Variants in JPH1 observed in about 807,000 individuals in gnomAD.
The protein encoded by JPH1 is junctophilin-1.
Under a neutral mutation model 53.6 loss-of-function variants are expected in JPH1, and 12 were observed. The observed-to-expected ratio is 0.22, with a 90% confidence interval of 0.14 to 0.36. The LOEUF is 0.36. JPH1 is among the 10% of genes least tolerant of loss of function. The pLI, the probability that JPH1 is intolerant of heterozygous loss-of-function variation, is 1.00. For missense variants in JPH1, 808 were observed against 905.5 expected, an observed-to-expected ratio of 0.89 and a Z score of 1.38; for synonymous variants, 375 against 363.8, an observed-to-expected ratio of 1.03 and a Z score of -0.35.
intron 2 of JPH1, among the ~76,000 whole-genome samples, chr8:74,279,209 T>C (rs188053543): frequency 4.6e-5 from 7 of 152,326 alleles, no homozygotes; most frequent in African/African-American, 1.7e-4. Flanking sequence ...TGGTGTGAGG[T>C]GGACTCTGAC....
At chr8:74,285,295 T>A (rs1393685218) in intron 2 of JPH1, among the ~76,000 whole-genome samples, 1 of 152,122 alleles carries the variant, frequency 6.6e-6, no homozygotes, top group Non-Finnish European at 1.5e-5. Context: ...ATACTATATC[T>A]ACTTTATGAA....
At position 74,236,129 on chromosome 8, in the gene JPH1, A is replaced by G. The variant is rs1414697570; in HGVS notation, c.*922T>C. On this transcript the variant is annotated 3_prime_UTR_variant, in exon 6 of 6. Coordinates refer to ENST00000342232, the MANE Select transcript of JPH1 (RefSeq NM_020647.4). ...TTAAAATTTAGCACTTCCTAAGTGC[A>G]TAAATAATTCACCTCAGTAATGTTA... The G allele has an allele frequency of 6.6e-6, 1 of 152,236 alleles. No homozygotes were observed. The highest frequency in any genetic ancestry group is 6.5e-5 in the Admixed American group (1 of 15,288). The allele number at this position is 152,236 out of a possible 1,614,324, so 9.4% of individuals were successfully genotyped here. A position where few individuals can be genotyped will look rare whatever the true frequency, so the allele number is the denominator to read the frequency against.
intron 2 of JPH1, among the ~76,000 whole-genome samples, chr8:74,276,092 G>C (rs778751515): frequency 3.3e-5 from 5 of 152,134 alleles, no homozygotes; most frequent in Admixed American, 6.5e-5. Context: ...TTATTTCTAG[G>C]AATAAGAGGG....
intron 3 of JPH1, among the ~76,000 whole-genome samples, chr8:74,256,468 A>G (rs1184286464): frequency 4.0e-5 from 6 of 151,824 alleles, no homozygotes; most frequent in Admixed American, 2.0e-4. Context: ...GGTGCAGCAC[A>G]CCAACATGGC....
intron 2 of JPH1, among the ~76,000 whole-genome samples, chr8:74,310,763 C>T (rs1402816967): frequency 6.6e-6 from 1 of 152,168 alleles, no homozygotes; most frequent in African/African-American, 2.4e-5. Flanking sequence ...TAATTGTTTT[C>T]CCTTAGAGCC....
rs1586783145 is a variant in JPH1 at position 74,320,751 on chromosome 8, G to A, written c.379+158C>T. On this transcript the variant is annotated intron_variant, in intron 1 of 5. Transcript: ENST00000342232. This position sits in a 1 kb window ranked among gnomAD's most constrained non-coding sequence, Gnocchi z 4.4. ...CAGTCCGGTCCCAGCGCCCTCTCTG[G>A]GAAAGGCGGGCGCGGGCGCGGGGGT... Among the ~76,000 whole-genome samples, 3 of 152,170 alleles carry A rather than the reference G, an allele frequency of 2.0e-5. No individual in the cohort carries two copies. The highest frequency in any genetic ancestry group is 7.2e-5 in the African/African-American group (3 of 41,446).
intron 2 of JPH1, among the ~76,000 whole-genome samples, chr8:74,265,584 A>C (rs1484029296): frequency 2.0e-5 from 3 of 152,208 alleles, no homozygotes. Context: ...TCTTGGAATA[A>C]TTTTTGGAGA....
chr8:74,300,848 C>T (rs1323549148), intron 2 of JPH1, among the ~76,000 whole-genome samples: 1 of 152,130 alleles, frequency 6.6e-6, no homozygotes, highest in Non-Finnish European at 1.5e-5. Flanking sequence ...CTTCCTCACC[C>T]GTTTCATTGA....
intron 2 of JPH1, among the ~76,000 whole-genome samples, chr8:74,306,841 C>T (rs1404612793): frequency 1.3e-5 from 2 of 152,150 alleles, no homozygotes; most frequent in Non-Finnish European, 2.9e-5. Context: ...AAGGGATCCG[C>T]CCGCCTCGGC....
At chr8:74,296,786 G>A (rs766778228) in intron 2 of JPH1, among the ~76,000 whole-genome samples, 1 of 152,032 alleles carries the variant, frequency 6.6e-6, no homozygotes, top group African/African-American at 2.4e-5. Context: ...AGCGTATAAC[G>A]TGATGCTTTG....
chr8:74,295,567 T>G (rs1314996112), intron 2 of JPH1, among the ~76,000 whole-genome samples: 1 of 152,184 alleles, frequency 6.6e-6, no homozygotes, highest in African/African-American at 2.4e-5. Context: ...TCCTGTGAGC[T>G]GAGTACCAAA....
rs1318885060 is a variant in JPH1 at position 74,321,466 on chromosome 8, GCCGCCA to G, written c.-185_-180del. The G allele has an allele frequency of 1.9e-6, 1 of 533,954 alleles. No homozygotes were observed. Among genetic ancestry groups the G allele is most frequent in the Non-Finnish European group, 3.0e-6 (1 of 330,906 alleles). The allele number at this position is 533,954 out of a possible 1,614,324, so 33.1% of individuals were successfully genotyped here. A position where few individuals can be genotyped will look rare whatever the true frequency, so the allele number is the denominator to read the frequency against. Reference sequence around the variant, plus strand: ...CCCCCGTCCTCCCTCCTCTTTTGCCGCCGCCACCGCCGCCTTCCTCCTCCTCCTCCT... The same window carrying G: ...CCCCCGTCCTCCCTCCTCTTTTGCCGCCGCCGCCTTCCTCCTCCTCCTCCT... On this transcript the variant is annotated 5_prime_UTR_variant, in exon 1 of 6. Coordinates refer to ENST00000342232, the MANE Select transcript of JPH1 (RefSeq NM_020647.4). This position sits in a 1 kb window ranked among gnomAD's most constrained non-coding sequence, Gnocchi z 4.3.
At chr8:74,242,359 C>A (rs995955786) in intron 4 of JPH1, among the ~76,000 whole-genome samples, 19 of 152,298 alleles carry the variant, frequency 1.2e-4, no homozygotes, top group African/African-American at 4.3e-4. Flanking sequence ...CTCATTTAAT[C>A]TTCACAACAA....
In JPH1 at chr8:74,237,237, G is replaced by T; in HGVS notation, c.1972C>A (p.His658Asn). Reference sequence around the variant, plus strand: ...CCTAATTCCAATCAAGTTAGAAAGTGAACAAAAAGAATGGCCAACCCGATA... The same window carrying T: ...CCTAATTCCAATCAAGTTAGAAAGTTAACAAAAAGAATGGCCAACCCGATA... Reference protein sequence around the residue: ...LNIGLAILFVHFLT With the variant: ...LNIGLAILFVNFLT The change falls in exon 5 of 6, where the codon CAC becomes AAC. Residue 658 changes from histidine to asparagine, a missense_variant. Transcript: ENST00000342232. The T allele has an allele frequency of 6.2e-7, 1 of 1,611,636 alleles. No homozygotes were observed. The highest frequency in any genetic ancestry group is 8.5e-7 in the Non-Finnish European group (1 of 1,178,132).
intron 2 of JPH1, among the ~76,000 whole-genome samples, chr8:74,297,990 C>A (rs145909292): frequency 0.013 from 2,037 of 152,338 alleles, 28 homozygotes; most frequent in Admixed American, 0.031. Flanking sequence ...CTTCTTTCCA[C>A]ACACAGGTCA....
In JPH1 at chr8:74,245,034, T is replaced by G; in HGVS notation, c.1400A>C (p.Glu467Ala). 6.2e-7 allele frequency: 1 copy of G among 1,613,980 alleles called. No individual in the cohort carries two copies. The highest frequency in any genetic ancestry group is 1.3e-5 in the African/African-American group (1 of 74,978). ...RKGTTPPRSP[E>A]ASPKHSHSPA... ...AGAGTGGCTGTGTTTGGGACTTGCC[T>G]CAGGAGATCTTGGGGGTGTCGTGCC... is the stretch of plus-strand genomic sequence containing the variant. The change falls in exon 4 of 6, where the codon GAG (glutamate) becomes GCG (alanine). Residue 467 changes from glutamate (E) to alanine (A), a missense_variant. Glu to Ala is a moderately radical substitution (Grantham distance 107). Transcript: ENST00000342232.
chr8:74,300,406 T>C (rs1422637159), intron 2 of JPH1, among the ~76,000 whole-genome samples: 2 of 152,182 alleles, frequency 1.3e-5, no homozygotes, highest in East Asian at 3.8e-4. Context: ...GTGTGTGCGT[T>C]GTGGGGGGCG....
chr8:74,278,449 G>A (rs1563408385), intron 2 of JPH1, among the ~76,000 whole-genome samples: 1 of 152,146 alleles, frequency 6.6e-6, no homozygotes, highest in Non-Finnish European at 1.5e-5. Context: ...TGATCCACTA[G>A]CAAAATTTTT....
intron 4 of JPH1, 130 bp from the exon 5 acceptor site, chr8:74,237,433 G>A (rs1807034125): frequency 2.9e-6 from 2 of 686,606 alleles, no homozygotes; most frequent in South Asian, 4.0e-5. Flanking sequence ...GATGACAGCA[G>A]TTCGGAAAGG....
Sources: allele counts gnomAD v4.1 joint callset (sites outside exome capture counted in the v4.1 genomes callset), GRCh38; gene constraint gnomAD v4.1.1; non-coding constraint Gnocchi (gnomAD v3.1); transcripts MANE v1.5; gene names NCBI Gene and HGNC (gene_info 2026-07-23, HGNC 2026-07-21).